Variants in EDN1 observed in about 807,000 individuals in gnomAD.
The protein encoded by EDN1 is endothelin-1.
EDN1 carries 11 observed loss-of-function variants against 21.7 expected under a neutral mutation model. The ratio of observed to expected loss-of-function variants is 0.51; its 90% CI spans 0.32 to 0.84. The LOEUF is 0.84. Among genes scored for constraint, EDN1 ranks in the 40% least tolerant of loss-of-function variants. EDN1 has a pLI of 0.03. For missense variants in EDN1, 244 were observed against 262.3 expected, an observed-to-expected ratio of 0.93 and a Z score of 0.48; for synonymous variants, 85 against 90.6, an observed-to-expected ratio of 0.94 and a Z score of 0.35.
chr6:12,258,919 T>C, the EDN1 span, among the ~76,000 whole-genome samples: 1 of 152,228 alleles, frequency 6.6e-6, no homozygotes, highest in African/African-American at 2.4e-5. Flanking sequence ...AACAGGGCCA[T>C]GGAATTTCCT....
intron 1 of EDN1, 152 bp downstream of exon 1, chr6:12,290,845 T>C: frequency 1.4e-6 from 1 of 737,522 alleles, no homozygotes; most frequent in Non-Finnish European, 2.4e-6. Flanking sequence ...AAAGCTACTT[T>C]AAGTCTTCTA....
upstream of EDN1, chr6:12,290,357 A>G: frequency 1.9e-6 from 1 of 517,212 alleles, no homozygotes; most frequent in Non-Finnish European, 3.5e-6. Flanking sequence ...GAGCTGTCCA[A>G]GTCAGACGCG....
the EDN1 span, among the ~76,000 whole-genome samples, chr6:12,244,665 A>G: frequency 1.3e-5 from 2 of 152,234 alleles, no homozygotes; most frequent in Non-Finnish European, 2.9e-5. Flanking sequence ...GCAAGTGTGT[A>G]AGTATTAGAG....
chr6:12,231,295 T>TCCC, the EDN1 span, among the ~76,000 whole-genome samples: 2 of 152,152 alleles, frequency 1.3e-5, no homozygotes, highest in Non-Finnish European at 1.5e-5. Context: ...AAAACCAGTG[T>TCCC]TCCACCAACA....
intron 1 of EDN1, among the ~76,000 whole-genome samples, chr6:12,291,873 T>C (rs977807191): frequency 3.3e-5 from 5 of 152,348 alleles, no homozygotes; most frequent in Admixed American, 6.5e-5. Flanking sequence ...GGGTACCCCC[T>C]AAAGAGAGGG....
the EDN1 span, among the ~76,000 whole-genome samples, chr6:12,244,357 T>C: frequency 6.6e-6 from 1 of 152,202 alleles, no homozygotes; most frequent in Non-Finnish European, 1.5e-5. Context: ...TTTTGAAAAA[T>C]CACATTTGTT....
the EDN1 span, among the ~76,000 whole-genome samples, chr6:12,254,200 T>G: frequency 6.6e-6 from 1 of 152,202 alleles, no homozygotes; most frequent in East Asian, 1.9e-4. Context: ...CATTTGTTGC[T>G]TTTTATATCC....
chr6:12,231,676 G>A, the EDN1 span, among the ~76,000 whole-genome samples: 10 of 151,950 alleles, frequency 6.6e-5, no homozygotes, highest in Non-Finnish European at 1.5e-4. Context: ...AAACAGAGAG[G>A]AATTGGTGAA....
the EDN1 span, among the ~76,000 whole-genome samples, chr6:12,271,705 C>T: frequency 6.6e-6 from 1 of 152,244 alleles, no homozygotes; most frequent in South Asian, 2.1e-4. Flanking sequence ...AATTATTGTC[C>T]TTTTGCTTCC....
At chr6:12,253,770 T>C in the EDN1 span, among the ~76,000 whole-genome samples, 2 of 152,180 alleles carry the variant, frequency 1.3e-5, no homozygotes, top group African/African-American at 2.4e-5. Flanking sequence ...GTTTCTGCTC[T>C]TGCCTCTCTA....
In EDN1 at chr6:12,295,002, G is replaced by A. The variant is rs539473122; in HGVS notation, c.533+598G>A. On this transcript the variant is annotated intron_variant, in intron 4 of 4. Transcript: ENST00000379375. Reference sequence around the variant, plus strand: ...TTCCAAAAAGCTCTCTCTTTTCCTGGTCAGTCATGTGCTGGGACAGAGAAG... The same window carrying A: ...TTCCAAAAAGCTCTCTCTTTTCCTGATCAGTCATGTGCTGGGACAGAGAAG... Among the ~76,000 whole-genome samples, 146 of 135,134 alleles carry A rather than the reference G, an allele frequency of 1.1e-3. 2 individuals are homozygous for A. The highest frequency in any genetic ancestry group is 3.8e-3 in the African/African-American group (138 of 35,972). 88.7% of individuals were successfully genotyped at this position (135,134 alleles called of 152,430 possible). A position where few individuals can be genotyped will look rare whatever the true frequency, so the allele number is the denominator to read the frequency against.
At chr6:12,274,912 GA>G in the EDN1 span, among the ~76,000 whole-genome samples, 3 of 149,922 alleles carry the variant, frequency 2.0e-5, no homozygotes, top group Non-Finnish European at 4.5e-5. Flanking sequence ...CTGGCTGCTA[GA>G]AAGCTTTTTG....
At chr6:12,234,594 G>A in the EDN1 span, among the ~76,000 whole-genome samples, 2 of 152,178 alleles carry the variant, frequency 1.3e-5, no homozygotes, top group Non-Finnish European at 2.9e-5. Flanking sequence ...AAAAGTCTCT[G>A]CTGTTAAACA....
chr6:12,280,114 A>G, the EDN1 span, among the ~76,000 whole-genome samples: 1 of 152,238 alleles, frequency 6.6e-6, no homozygotes, highest in Non-Finnish European at 1.5e-5. Flanking sequence ...GCTTTAATTT[A>G]TCTGTGAAAA....
chr6:12,242,376 T>TGGCC, the EDN1 span, among the ~76,000 whole-genome samples: 1 of 151,752 alleles, frequency 6.6e-6, no homozygotes, highest in African/African-American at 2.4e-5. Context: ...GAGTGAGTAG[T>TGGCC]GACCTCTGAA....
chr6:12,286,614 C>T (rs951077826), upstream of EDN1, among the ~76,000 whole-genome samples: 9 of 152,178 alleles, frequency 5.9e-5, no homozygotes, highest in African/African-American at 2.2e-4. Flanking sequence ...AATTTATTGG[C>T]TTGGCAAAGT....
At chr6:12,273,971 G>A in the EDN1 span, among the ~76,000 whole-genome samples, 6 of 152,118 alleles carry the variant, frequency 3.9e-5, no homozygotes, top group Non-Finnish European at 2.9e-5. Flanking sequence ...ATAGAGGGTG[G>A]ATTATTTTCT....
chr6:12,294,915 A>G (rs971026395), intron 4 of EDN1, among the ~76,000 whole-genome samples: 8 of 71,058 alleles, frequency 1.1e-4, no homozygotes, highest in African/African-American at 4.3e-4. Context: ...TTTCAGGTTT[A>G]TGGTCTTTTT....
intron 3 of EDN1, 58 bp downstream of exon 3, chr6:12,294,154 A>C (rs1762763298): frequency 6.2e-7 from 1 of 1,613,684 alleles, no homozygotes; most frequent in African/African-American, 1.3e-5. Context: ...ACTCCTTCCT[A>C]TCATGGTACT....
Sources: allele counts gnomAD v4.1 joint callset (sites outside exome capture counted in the v4.1 genomes callset), GRCh38; gene constraint gnomAD v4.1.1; transcripts MANE v1.5; gene names NCBI Gene and HGNC (gene_info 2026-07-23, HGNC 2026-07-21).